ABCB7: variants seen among roughly 807,000 people sequenced by gnomAD.
ABCB7 encodes the protein ATP binding cassette subfamily B member 7, also known as iron-sulfur clusters transporter ABCB7, mitochondrial.
A neutral mutation model predicts 54.4 loss-of-function variants in ABCB7; 7 were observed. That is an observed-to-expected ratio of 0.13 (90% CI 0.07 to 0.24). The LOEUF is 0.24. Ranked by LOEUF, ABCB7 falls within the 10% of genes least tolerant of loss-of-function variation. The probability of loss-of-function intolerance (pLI) is 1.00; values close to 1 mark genes in which losing one functional copy is unlikely to be tolerated. For synonymous variants in ABCB7, 218 were observed against 207.1 expected (o/e 1.05, Z -0.45); for missense variants, 356 against 570.4 (o/e 0.62, Z 3.83).
chrX:75,064,460 CA>C (rs755667640), intron 13 of ABCB7, among the ~76,000 whole-genome samples: 3,151 of 105,946 alleles, frequency 0.03, 116 homozygotes, highest in African/African-American at 0.1. Flanking sequence ...CTGTGTCCTC[CA>C]AAAAAAAAAT....
At chrX:75,149,032 C>G (rs1450664380) in intron 1 of ABCB7, among the ~76,000 whole-genome samples, 1 of 111,187 alleles carries the variant, frequency 9.0e-6, no homozygotes, top group Non-Finnish European at 1.9e-5. Context: ...TATAAGTAAA[C>G]CAAAATCGAA....
intron 1 of ABCB7, among the ~76,000 whole-genome samples, 183 bp downstream of exon 1, chrX:75,155,922 C>G (rs912196705): frequency 6.3e-5 from 7 of 111,358 alleles, no homozygotes; most frequent in African/African-American, 2.3e-4. Context: ...TTGCTGAACT[C>G]AAAGGTTTTC....
intron 4 of ABCB7, among the ~76,000 whole-genome samples, chrX:75,090,642 G>A (rs909920422): frequency 1.8e-5 from 2 of 109,004 alleles, no homozygotes; most frequent in Non-Finnish European, 3.8e-5. Context: ...ATAAAAATTG[G>A]GGCAGAAATC....
At chrX:75,099,767 A>G (rs997327197) in intron 3 of ABCB7, among the ~76,000 whole-genome samples, 1 of 110,997 alleles carries the variant, frequency 9.0e-6, no homozygotes, top group Admixed American at 9.6e-5. Flanking sequence ...ACCAATACAT[A>G]TATATTCTAA....
intron 1 of ABCB7, among the ~76,000 whole-genome samples, chrX:75,136,667 T>C (rs2082012039): frequency 9.0e-6 from 1 of 111,578 alleles, no homozygotes; most frequent in South Asian, 3.7e-4. Context: ...TAAAAAAGCA[T>C]GGTACTGGTA....
chrX:75,100,324 C>T (rs938074725), intron 3 of ABCB7, among the ~76,000 whole-genome samples: 2 of 110,613 alleles, frequency 1.8e-5, no homozygotes, highest in Non-Finnish European at 3.8e-5. Context: ...TCCTATCATT[C>T]TTGGGATAAA....
At chrX:75,069,219 TAAAG>T in intron 11 of ABCB7, 68 bp downstream of exon 11, 1 of 1,199,954 alleles carries the variant, frequency 8.3e-7, no homozygotes, top group Non-Finnish European at 1.1e-6. Flanking sequence ...ATCATTTTGA[TAAAG>T]AAAGAAATAT....
intron 3 of ABCB7, among the ~76,000 whole-genome samples, chrX:75,111,028 G>A (rs1464385801): frequency 1.2e-5 from 1 of 83,877 alleles, no homozygotes; most frequent in Admixed American, 1.4e-4. Flanking sequence ...GGAGCCTAAG[G>A]TGGGAGAATC....
intron 12 of ABCB7, among the ~76,000 whole-genome samples, chrX:75,065,899 C>T (rs1222072213): frequency 9.0e-6 from 1 of 111,352 alleles, no homozygotes; most frequent in East Asian, 2.8e-4. Flanking sequence ...GCCAGTTCCT[C>T]ATATACTCAG....
At chrX:75,138,340 A>G (rs998179246) in intron 1 of ABCB7, among the ~76,000 whole-genome samples, 1 of 112,255 alleles carries the variant, frequency 8.9e-6, no homozygotes, top group African/African-American at 3.2e-5. Flanking sequence ...GCATATTTAT[A>G]CATATACGTA....
At chrX:75,066,616 TTATC>T (rs1417034577) in intron 12 of ABCB7, among the ~76,000 whole-genome samples, 2 of 111,133 alleles carry the variant, frequency 1.8e-5, no homozygotes, top group East Asian at 2.8e-4. Flanking sequence ...AGTAATATAA[TTATC>T]TATATGTATC....
chrX:75,145,317 G>A (rs891764358), intron 1 of ABCB7, among the ~76,000 whole-genome samples: 4 of 110,617 alleles, frequency 3.6e-5, no homozygotes, highest in Non-Finnish European at 5.7e-5. Context: ...GAACACTAAC[G>A]CAAAAATCCT....
intron 4 of ABCB7, among the ~76,000 whole-genome samples, chrX:75,090,353 T>A (rs767155680): frequency 1.8e-5 from 2 of 110,403 alleles, no homozygotes; most frequent in African/African-American, 6.5e-5. Context: ...AGAATGACGG[T>A]AGGCATATCC....
intron 3 of ABCB7, among the ~76,000 whole-genome samples, chrX:75,100,086 A>T (rs1377936989): frequency 9.0e-6 from 1 of 111,006 alleles, no homozygotes; most frequent in Non-Finnish European, 1.9e-5. Flanking sequence ...TATGCTAAAA[A>T]AAAACCCTTA....
intron 1 of ABCB7, among the ~76,000 whole-genome samples, chrX:75,131,711 T>C (rs1048110497): frequency 3.6e-5 from 4 of 111,390 alleles, no homozygotes; most frequent in Non-Finnish European, 5.7e-5. Context: ...CAGCATAGCA[T>C]AGCTGCCTTA....
At position 75,114,748 on chromosome X, in the gene ABCB7, T is replaced by C. The variant is rs772131582; in HGVS notation, c.246+6A>G. 1 of 1,195,931 alleles carries C rather than the reference T, an allele frequency of 8.4e-7. No homozygotes were observed. The highest frequency in any genetic ancestry group is 1.1e-6 in the Non-Finnish European group (1 of 884,785). The stretch of plus-strand genomic sequence containing the variant: ...GCTATATGTAGACATGTTTGCTCAA[T>C]CTTACCTTTGCAGCATCTAAGAACT... On this transcript the variant is annotated splice_donor_region_variant and intron_variant, in intron 2 of 15. Coordinates refer to ENST00000373394, the MANE Select transcript of ABCB7 (RefSeq NM_001271696.3).
intron 1 of ABCB7, among the ~76,000 whole-genome samples, chrX:75,127,430 T>A (rs1244961318): frequency 1.8e-5 from 2 of 111,939 alleles, no homozygotes; most frequent in African/African-American, 6.5e-5. Context: ...GAACTATTTA[T>A]GACAAACCCA....
chrX:75,123,285 C>A (rs887178941), intron 1 of ABCB7, among the ~76,000 whole-genome samples: 1 of 111,793 alleles, frequency 8.9e-6, no homozygotes, highest in Non-Finnish European at 1.9e-5. Context: ...ATTGAAAAGA[C>A]TATCTTTTCC....
At position 75,062,441 on chromosome X, in the gene ABCB7, G is replaced by C. The variant is rs1367788670; in HGVS notation, c.1832-10C>G. ...CTTTGCTTTTCTCCTCCTGGTAAAG[G>C]AAAATTTTACTTTAAGGAAGCATAG... On this transcript the variant is annotated splice_polypyrimidine_tract_variant and intron_variant, in intron 13 of 15. Transcript: ENST00000373394. 8.4e-7 allele frequency: 1 copy of C among 1,184,852 alleles called. No homozygotes were observed. Among genetic ancestry groups the C allele is most frequent in the Admixed American group, 2.2e-5 (1 of 45,836 alleles).
Sources: allele counts gnomAD v4.1 joint callset (sites outside exome capture counted in the v4.1 genomes callset), GRCh38; gene constraint gnomAD v4.1.1; transcripts MANE v1.5; gene names NCBI Gene and HGNC (gene_info 2026-07-23, HGNC 2026-07-21).